PCGF5: variants seen among roughly 807,000 people sequenced by gnomAD.
The protein encoded by PCGF5 is polycomb group ring finger 5.
Under a neutral mutation model 44.3 loss-of-function variants are expected in PCGF5, and 9 were observed. That is an observed-to-expected ratio of 0.20 (90% CI 0.12 to 0.35). The LOEUF (loss-of-function observed/expected upper bound fraction) is 0.35. Among genes scored for constraint, PCGF5 ranks in the 10% least tolerant of loss-of-function variants. The pLI, the probability that PCGF5 is intolerant of heterozygous loss-of-function variation, is 1.00. For missense variants in PCGF5, 146 were observed against 305.3 expected (o/e 0.48, Z 3.89); for synonymous variants, 95 against 102.5 (o/e 0.93, Z 0.44).
At chr10:91,251,461 G>C in intron 6 of PCGF5, 21 bp downstream of exon 6, 1 of 1,602,392 alleles carries the variant, frequency 6.2e-7, no homozygotes, top group Admixed American at 1.7e-5. Context: ...AAGTACTATG[G>C]TATTTTTATG....
At chr10:91,227,985 A>C in intron 2 of PCGF5, 1 of 929,256 alleles carries the variant, frequency 1.1e-6, no homozygotes, top group Non-Finnish European at 1.3e-6. Flanking sequence ...TTTCCTTTCA[A>C]AGATTCAAAT....
intron 1 of PCGF5, among the ~76,000 whole-genome samples, chr10:91,195,892 A>C (rs1192183030): frequency 6.6e-6 from 1 of 151,576 alleles, no homozygotes; most frequent in Non-Finnish European, 1.5e-5. Context: ...GGAACAAAGG[A>C]AACCCAATCC....
intron 8 of PCGF5, among the ~76,000 whole-genome samples, chr10:91,268,126 G>C (rs1488242317): frequency 6.6e-6 from 1 of 152,034 alleles, no homozygotes; most frequent in Non-Finnish European, 1.5e-5. Flanking sequence ...ATGTGTGTGT[G>C]TGTTCCTAGA....
intron 1 of PCGF5, among the ~76,000 whole-genome samples, chr10:91,175,481 A>G (rs941918374): frequency 6.6e-6 from 1 of 151,716 alleles, no homozygotes; most frequent in Non-Finnish European, 1.5e-5. Flanking sequence ...CTTACCACCC[A>G]TTTTTTCTAC....
At chr10:91,241,824 C>G (rs1187265427) in intron 3 of PCGF5, among the ~76,000 whole-genome samples, 1 of 152,018 alleles carries the variant, frequency 6.6e-6, no homozygotes, top group African/African-American at 2.4e-5. Context: ...AGTTTAATGC[C>G]TGTTTGGGAT....
At chr10:91,256,175 T>C (rs1056960520) in intron 6 of PCGF5, among the ~76,000 whole-genome samples, 17 of 151,994 alleles carry the variant, frequency 1.1e-4, no homozygotes, top group Admixed American at 9.2e-4. Context: ...AATTATCTAT[T>C]TAAATATGCA....
rs1199770455 is a variant in PCGF5, at chr10:91,198,522, C to T, written c.-183-24167C>T. On this transcript the variant is annotated intron_variant, in intron 1 of 9. Coordinates refer to the PCGF5 transcript ENST00000614189. ...ACCCCTACTCTCCTGGAGGTCACCC[C>T]AAACCACTATTTCAGCATGACCATT... Among the ~76,000 whole-genome samples the T allele has an allele frequency of 3.3e-5, 5 of 152,314 alleles. No individual in the cohort carries two copies. The East Asian group carries it at 9.6e-4, about 29-fold the overall frequency.
chr10:91,262,430 AAAAAG>A (rs974378183), intron 7 of PCGF5, among the ~76,000 whole-genome samples: 8 of 152,170 alleles, frequency 5.3e-5, no homozygotes, highest in Non-Finnish European at 1.0e-4. Context: ...TCCATCTCAA[AAAAAG>A]AAAAGAAAAG....
intron 6 of PCGF5, among the ~76,000 whole-genome samples, chr10:91,252,445 C>G (rs1261517493): frequency 6.6e-6 from 1 of 151,984 alleles, no homozygotes; most frequent in Non-Finnish European, 1.5e-5. Flanking sequence ...TATTTATCCA[C>G]TATGTGAACA....
At position 91,278,717 on chromosome 10, in the gene PCGF5, A is replaced by C. The variant is rs1846376578; in HGVS notation, c.*401A>C. 2 of 172,546 alleles carry C rather than the reference A, an allele frequency of 1.2e-5. No individual in the cohort carries two copies. The highest frequency in any genetic ancestry group is 3.5e-4 in the South Asian group (2 of 5,652). The allele number at this position is 172,546 out of a possible 1,614,324, so 10.7% of individuals were successfully genotyped here. ...ATACTTACTCTTTTATTCTTGTTTA[A>C]ATAGCGTACTCTACAAGAAACTAAT... On this transcript the variant is annotated 3_prime_UTR_variant, in exon 10 of 10. Transcript: ENST00000336126.
intron 1 of PCGF5, among the ~76,000 whole-genome samples, chr10:91,173,600 C>A (rs897963418): frequency 2.2e-5 from 1 of 44,636 alleles, no homozygotes; most frequent in Admixed American, 2.6e-4. Flanking sequence ...TTTTTTCCCA[C>A]AGAAGCCATG....
At chr10:91,222,527 A>G (rs1844710292) in intron 1 of PCGF5, among the ~76,000 whole-genome samples, 162 bp from the exon 2 acceptor site, 1 of 152,218 alleles carries the variant, frequency 6.6e-6, no homozygotes, top group South Asian at 2.1e-4. Flanking sequence ...ATTCTGAATT[A>G]TAGCAGATTT....
intron 1 of PCGF5, among the ~76,000 whole-genome samples, chr10:91,211,565 G>A (rs1285909956): frequency 6.6e-6 from 1 of 152,236 alleles, no homozygotes; most frequent in Middle Eastern, 3.4e-3. Context: ...AACCAACTTA[G>A]GTATCAGGTT....
upstream of PCGF5, among the ~76,000 whole-genome samples, chr10:91,161,349 A>G (rs1385492976): frequency 6.6e-6 from 1 of 152,200 alleles, no homozygotes; most frequent in African/African-American, 2.4e-5. Flanking sequence ...GAGTTCAAAG[A>G]CACTTTTCCT....
chr10:91,176,923 G>A (rs9665492), intron 1 of PCGF5, among the ~76,000 whole-genome samples: 12,151 of 152,230 alleles, frequency 0.08, 1,049 homozygotes, highest in African/African-American at 0.22. Flanking sequence ...GTCTTTCTCC[G>A]TCCAGCTTTG....
intron 1 of PCGF5, among the ~76,000 whole-genome samples, chr10:91,175,120 G>A (rs1843680591): frequency 6.6e-6 from 1 of 152,170 alleles, no homozygotes. Context: ...TGAGGGATAG[G>A]TGGAAAATCT....
At chr10:91,260,715 A>G (rs1845881179) in intron 6 of PCGF5, among the ~76,000 whole-genome samples, 1 of 151,678 alleles carries the variant, frequency 6.6e-6, no homozygotes, top group Non-Finnish European at 1.5e-5. Flanking sequence ...CAAGGACAAA[A>G]AACCAAACAC....
intron 9 of PCGF5, among the ~76,000 whole-genome samples, chr10:91,272,619 A>G (rs1022591921): frequency 2.6e-5 from 4 of 152,058 alleles, no homozygotes; most frequent in African/African-American, 9.7e-5. Flanking sequence ...CAAAAAATAC[A>G]AAAATTAGCC....
chr10:91,190,243 C>G (rs954047522), intron 1 of PCGF5, among the ~76,000 whole-genome samples: 2 of 152,194 alleles, frequency 1.3e-5, no homozygotes, highest in Non-Finnish European at 2.9e-5. Context: ...CAATCATGTT[C>G]TCATGATCCA....
Sources: allele counts gnomAD v4.1 joint callset (sites outside exome capture counted in the v4.1 genomes callset), GRCh38; gene constraint gnomAD v4.1.1; transcripts MANE v1.5; gene names NCBI Gene and HGNC (gene_info 2026-07-23, HGNC 2026-07-21).